Variants in ATP10B observed in about 807,000 individuals in gnomAD.
ATP10B encodes ATPase phospholipid transporting 10B (putative), also known as phospholipid-transporting ATPase VB.
A neutral mutation model predicts 141.2 loss-of-function variants in ATP10B; 122 were observed. The observed-to-expected ratio is 0.86, with a 90% CI of 0.75 to 1.00. ATP10B has a LOEUF of 1.00. ATP10B is among the 50% of genes least tolerant of loss of function. The pLI is 0.00. For synonymous variants in ATP10B, 685 were observed against 692.0 expected (o/e 0.99, Z 0.16); for missense variants, 1,876 against 1,825.3 (o/e 1.03, Z -0.51).
intron 7 of ATP10B, among the ~76,000 whole-genome samples, chr5:160,652,081 G>A (rs1011351676): frequency 2.8e-4 from 42 of 152,090 alleles, no homozygotes; most frequent in African/African-American, 9.7e-4. Flanking sequence ...CCCCAGCAAT[G>A]GTGAAGTTTG....
At chr5:160,910,272 G>C in the ATP10B span, among the ~76,000 whole-genome samples, 17 of 152,230 alleles carry the variant, frequency 1.1e-4, no homozygotes, top group African/African-American at 3.9e-4. Flanking sequence ...GTTTTCCCTT[G>C]ATTCTCTTAG....
At chr5:160,808,972 T>A (rs1013636667) in intron 1 of ATP10B, among the ~76,000 whole-genome samples, 6 of 152,226 alleles carry the variant, frequency 3.9e-5, no homozygotes. Context: ...CAGTCTCTAG[T>A]ATTCCTTGGC....
intron 25 of ATP10B, among the ~76,000 whole-genome samples, chr5:160,567,552 G>T (rs746419681): frequency 2.0e-5 from 3 of 152,138 alleles, no homozygotes; most frequent in Non-Finnish European, 4.4e-5. Context: ...AATGGAGGAG[G>T]AAGGTAGTGG....
chr5:160,826,401 T>C (rs1774605019), intron 1 of ATP10B, among the ~76,000 whole-genome samples: 1 of 152,208 alleles, frequency 6.6e-6, no homozygotes, highest in East Asian at 1.9e-4. Context: ...CCCAAATTAA[T>C]ACTTTTATAA....
intron 2 of ATP10B, among the ~76,000 whole-genome samples, chr5:160,773,070 G>A (rs4992466): frequency 5.3e-5 from 8 of 151,700 alleles, no homozygotes; most frequent in African/African-American, 7.3e-5. Context: ...ATTTGTTGTC[G>A]TTGTTAATTA....
At chr5:160,851,408 GA>G in intron 1 of ATP10B, among the ~76,000 whole-genome samples, 1 of 152,054 alleles carries the variant, frequency 6.6e-6, no homozygotes, top group South Asian at 2.1e-4. Flanking sequence ...CATACTTAGG[GA>G]AAAAACACAT....
chr5:160,926,318 C>T, the ATP10B span, among the ~76,000 whole-genome samples: 1 of 152,192 alleles, frequency 6.6e-6, no homozygotes, highest in African/African-American at 2.4e-5. Flanking sequence ...TCTTCAGAAA[C>T]TTAATGTAAT....
intron 2 of ATP10B, among the ~76,000 whole-genome samples, chr5:160,760,877 A>T (rs767274019): frequency 2.0e-5 from 3 of 149,766 alleles, no homozygotes; most frequent in Non-Finnish European, 4.5e-5. Flanking sequence ...CTGCCCAAGG[A>T]GAGTCTGAGC....
intron 7 of ATP10B, among the ~76,000 whole-genome samples, chr5:160,662,307 T>C (rs1231304489): frequency 6.6e-6 from 1 of 152,184 alleles, no homozygotes; most frequent in East Asian, 1.9e-4. Flanking sequence ...TTCAAGTTCA[T>C]ATGGAACCAA....
At chr5:160,863,534 A>C in the ATP10B span, among the ~76,000 whole-genome samples, 56 of 152,140 alleles carry the variant, frequency 3.7e-4, no homozygotes, top group South Asian at 0.011. Context: ...AGACAACCTA[A>C]TCTCTCACCT....
intron 3 of ATP10B, among the ~76,000 whole-genome samples, chr5:160,709,387 G>A (rs141301819): frequency 1.6e-3 from 237 of 152,156 alleles, no homozygotes; most frequent in African/African-American, 5.4e-3. Context: ...AATAAAAAAT[G>A]ACACGAACAG....
At chr5:160,870,174 A>T in the ATP10B span, among the ~76,000 whole-genome samples, 16,070 of 152,128 alleles carry the variant, frequency 0.11, 991 homozygotes, top group Middle Eastern at 0.15. Flanking sequence ...ATGCAAGGGG[A>T]AAGAAAGTAA....
intron 6 of ATP10B, among the ~76,000 whole-genome samples, chr5:160,678,587 G>A (rs903335899): frequency 2.6e-5 from 4 of 152,220 alleles, no homozygotes; most frequent in Non-Finnish European, 5.9e-5. Context: ...AGCCCGGGAG[G>A]CAGAGGTTGC....
At chr5:160,674,333 C>T (rs530399721) in intron 6 of ATP10B, among the ~76,000 whole-genome samples, 1 of 152,174 alleles carries the variant, frequency 6.6e-6, no homozygotes, top group Admixed American at 6.5e-5. Context: ...TATAAAGGTG[C>T]TGGAAGATGG....
intron 2 of ATP10B, among the ~76,000 whole-genome samples, chr5:160,770,021 T>C (rs1441927936): frequency 6.6e-6 from 1 of 152,208 alleles, no homozygotes; most frequent in Non-Finnish European, 1.5e-5. Context: ...TAACTGTCTT[T>C]TAAAGCCCAC....
rs534720366 is a variant in ATP10B, at chr5:160,675,926, CAT to C, written c.471-5261_471-5260del. ...GCTGGGCTGGAAATAGTGGAGGACA[CAT>C]GTGATATTTACCAATCTGAGGATGC... On this transcript the variant is annotated intron_variant, in intron 6 of 25. Transcript: ENST00000327245. Among the ~76,000 whole-genome samples the C allele has an allele frequency of 4.0e-3, 609 of 152,122 alleles. 9 individuals carry two copies. The highest frequency in any genetic ancestry group is 0.014 in the African/African-American group (592 of 41,474).
the ATP10B span, among the ~76,000 whole-genome samples, chr5:160,911,143 A>C: frequency 6.6e-6 from 1 of 152,168 alleles, no homozygotes; most frequent in Non-Finnish European, 1.5e-5. Flanking sequence ...CTTTCAAACT[A>C]TTGTTTCTTC....
At chr5:160,813,635 G>C (rs564318388) in intron 1 of ATP10B, among the ~76,000 whole-genome samples, 2 of 152,196 alleles carry the variant, frequency 1.3e-5, no homozygotes, top group African/African-American at 4.8e-5. Flanking sequence ...GAAGAGAGTA[G>C]TTGTTCTCCC....
At chr5:160,592,695 C>T (rs530396836) in intron 22 of ATP10B, among the ~76,000 whole-genome samples, 42 of 152,264 alleles carry the variant, frequency 2.8e-4, no homozygotes, top group African/African-American at 8.7e-4. Flanking sequence ...CCTGGAAAAT[C>T]GGGTCACTCC....
Sources: allele counts gnomAD v4.1 joint callset (sites outside exome capture counted in the v4.1 genomes callset), GRCh38; gene constraint gnomAD v4.1.1; transcripts MANE v1.5; gene names NCBI Gene and HGNC (gene_info 2026-07-23, HGNC 2026-07-21).